The following ZNF385D variants were observed in gnomAD, a reference collection of about 807,000 sequenced individuals.
ZNF385D encodes the protein zinc finger protein 659.
ZNF385D carries 15 observed loss-of-function variants against 35.8 expected under a neutral mutation model. That is an observed-to-expected ratio of 0.42 (90% CI 0.28 to 0.64). The LOEUF (loss-of-function observed/expected upper bound fraction) is 0.64. Among genes scored for constraint, ZNF385D ranks in the 30% least tolerant of loss-of-function variants. The pLI is 0.23. For missense variants in ZNF385D, 474 were observed against 494.6 expected, an observed-to-expected ratio of 0.96 and a Z score of 0.39; for synonymous variants, 212 against 186.8, an observed-to-expected ratio of 1.13 and a Z score of -1.10.
intron 3 of ZNF385D, among the ~76,000 whole-genome samples, chr3:22,128,325 C>G (rs1703563463): frequency 6.6e-6 from 1 of 152,002 alleles, no homozygotes; most frequent in Non-Finnish European, 1.5e-5. Flanking sequence ...TTCCCTTATT[C>G]TTGACTTTTG....
intron 3 of ZNF385D, among the ~76,000 whole-genome samples, chr3:21,835,583 C>A (rs1419402908): frequency 6.6e-6 from 1 of 150,874 alleles, no homozygotes; most frequent in East Asian, 1.9e-4. Flanking sequence ...AATAATAAAT[C>A]TTAGCATATG....
At chr3:21,662,949 C>T (rs1001941783) in intron 2 of ZNF385D, among the ~76,000 whole-genome samples, 1 of 152,180 alleles carries the variant, frequency 6.6e-6, no homozygotes, top group Non-Finnish European at 1.5e-5. Flanking sequence ...TTACCACAGA[C>T]TTATGAGGCG....
At chr3:21,511,164 A>G (rs904851957) in intron 3 of ZNF385D, 141 bp from the exon 4 acceptor site, 7 of 951,598 alleles carry the variant, frequency 7.4e-6, no homozygotes, top group Middle Eastern at 3.4e-4. Flanking sequence ...GTGGGGTTCT[A>G]TTTAGAATGA....
chr3:22,062,191 G>A (rs1197478597), intron 3 of ZNF385D, among the ~76,000 whole-genome samples: 1 of 151,960 alleles, frequency 6.6e-6, no homozygotes, highest in Non-Finnish European at 1.5e-5. Flanking sequence ...GGGACTACAG[G>A]CAAGTGCCAC....
intron 2 of ZNF385D, among the ~76,000 whole-genome samples, chr3:22,191,656 G>C (rs1696040313): frequency 6.6e-6 from 1 of 151,926 alleles, no homozygotes. Context: ...AGCTGATGAA[G>C]TTGTTCTTCA....
chr3:21,460,509 A>T (rs939196430), intron 4 of ZNF385D, among the ~76,000 whole-genome samples: 9 of 152,154 alleles, frequency 5.9e-5, no homozygotes, highest in South Asian at 2.1e-4. Flanking sequence ...AAATAAATAA[A>T]GCAACCAATT....
chr3:21,760,117 TC>T (rs2070535281), intron 3 of ZNF385D, among the ~76,000 whole-genome samples: 1 of 152,198 alleles, frequency 6.6e-6, no homozygotes. Flanking sequence ...CTCAATCTCG[TC>T]TTTGCTATGC....
intron 3 of ZNF385D, among the ~76,000 whole-genome samples, chr3:21,550,997 GA>G (rs1350579705): frequency 1.3e-5 from 2 of 152,118 alleles, no homozygotes; most frequent in Non-Finnish European, 2.9e-5. Context: ...TCAATAATAT[GA>G]ATTTCTGTTT....
At chr3:21,881,538 C>A (rs1447154395) in intron 3 of ZNF385D, among the ~76,000 whole-genome samples, 1 of 151,950 alleles carries the variant, frequency 6.6e-6, no homozygotes, top group Non-Finnish European at 1.5e-5. Flanking sequence ...AACATACTGG[C>A]CACCCAAGAG....
At chr3:22,094,409 T>TATATATATATATATATATATAA (rs1322231844) in intron 3 of ZNF385D, among the ~76,000 whole-genome samples, 1 of 80,488 alleles carries the variant, frequency 1.2e-5, no homozygotes, top group African/African-American at 4.0e-5. Flanking sequence ...TATATATATA[T>TATATATATATATATATATATAA]AAAGGCATTT....
chr3:22,294,252 G>A (rs1702453347), intron 2 of ZNF385D, among the ~76,000 whole-genome samples: 1 of 151,974 alleles, frequency 6.6e-6, no homozygotes, highest in African/African-American at 2.4e-5. Flanking sequence ...TAGTTAATAG[G>A]AGGTGGATGC....
At chr3:21,826,122 C>G (rs920930194) in intron 3 of ZNF385D, among the ~76,000 whole-genome samples, 1 of 152,146 alleles carries the variant, frequency 6.6e-6, no homozygotes, top group African/African-American at 2.4e-5. Context: ...CTCTAGCCAA[C>G]TTTCTCTTAA....
chr3:21,681,638 C>T (rs541618788), intron 1 of ZNF385D, among the ~76,000 whole-genome samples: 1 of 141,168 alleles, frequency 7.1e-6, no homozygotes, highest in Non-Finnish European at 1.5e-5. Flanking sequence ...ATATTTGGAA[C>T]ACAAATGTAC....
chr3:21,705,857 GACCCTGCAGT>G (rs773382185), intron 1 of ZNF385D, among the ~76,000 whole-genome samples: 15 of 152,090 alleles, frequency 9.9e-5, no homozygotes, highest in Non-Finnish European at 1.6e-4. Flanking sequence ...CTTGCTTCCT[GACCCTGCAGT>G]ACCCAGTAGC....
intron 1 of ZNF385D, among the ~76,000 whole-genome samples, chr3:21,711,039 G>GTTGTTTTTTTT (rs2068082583): frequency 1.4e-4 from 12 of 83,156 alleles, no homozygotes; most frequent in Non-Finnish European, 2.3e-4. Context: ...CCCTCTAAAA[G>GTTGTTTTTTTT]TTTTTTTTTT....
chr3:21,809,052 A>G (rs2072784191), intron 3 of ZNF385D, among the ~76,000 whole-genome samples: 1 of 152,224 alleles, frequency 6.6e-6, no homozygotes, highest in South Asian at 2.1e-4. Context: ...TATATGGAAT[A>G]TAATGATAAA....
At chr3:22,190,939 T>C (rs1695978375) in intron 2 of ZNF385D, among the ~76,000 whole-genome samples, 1 of 152,144 alleles carries the variant, frequency 6.6e-6, no homozygotes, top group Non-Finnish European at 1.5e-5. Context: ...CTATGAAAAG[T>C]ACCTAAAAGT....
chr3:22,296,158 A>T (rs1187109255), intron 2 of ZNF385D, among the ~76,000 whole-genome samples: 1 of 152,140 alleles, frequency 6.6e-6, no homozygotes, highest in Non-Finnish European at 1.5e-5. Flanking sequence ...TCCAGATAAC[A>T]CTTTCTGTTT....
At position 21,933,871 on chromosome 3, in the gene ZNF385D, G is replaced by A. The variant is rs138550999; in HGVS notation, c.325+234946C>T. ...TTTGTTTTCTCAAGTCCAAAAGGGA[G>A]TTAATTACACTTAAATCATAAGACT... On this transcript the variant is annotated intron_variant, in intron 3 of 5. Coordinates refer to the ZNF385D transcript ENST00000494108. Among the ~76,000 whole-genome samples the A allele has an allele frequency of 2.5e-3, 376 of 152,140 alleles. 1 individual carries two copies. The highest frequency in any genetic ancestry group is 8.6e-3 in the African/African-American group (358 of 41,530).
Sources: allele counts gnomAD v4.1 joint callset (sites outside exome capture counted in the v4.1 genomes callset), GRCh38; gene constraint gnomAD v4.1.1; transcripts MANE v1.5; gene names NCBI Gene and HGNC (gene_info 2026-07-23, HGNC 2026-07-21).